Variants in DRC8 observed in about 807,000 individuals in gnomAD.
DRC8 encodes the protein dynein regulatory complex subunit 8.
chr1:245,014,839 C>T, the DRC8 span, among the ~76,000 whole-genome samples: 1 of 151,596 alleles, frequency 6.6e-6, no homozygotes, highest in East Asian at 1.9e-4. Flanking sequence ...TGACGTAGAA[C>T]CTGGTGTATA....
the DRC8 span, among the ~76,000 whole-genome samples, chr1:245,027,919 T>TGGAG: frequency 6.6e-6 from 1 of 151,638 alleles, no homozygotes; most frequent in Non-Finnish European, 1.5e-5. Flanking sequence ...TGAGACTGGG[T>TGGAG]CTCCGTCTGT....
chr1:244,989,935 G>C, the DRC8 span, among the ~76,000 whole-genome samples: 2 of 152,214 alleles, frequency 1.3e-5, no homozygotes, highest in Non-Finnish European at 2.9e-5. Context: ...GCTATTTTGA[G>C]TATCATGACG....
chr1:245,039,474 TAAAA>T, the DRC8 span, among the ~76,000 whole-genome samples: 2 of 121,358 alleles, frequency 1.6e-5, no homozygotes, highest in African/African-American at 3.0e-5. Context: ...CGCTGCCTCT[TAAAA>T]AAAAAAAAAA....
chr1:245,060,665 A>C, the DRC8 span, among the ~76,000 whole-genome samples: 59,148 of 152,088 alleles, frequency 0.39, 11,746 homozygotes, highest in Middle Eastern at 0.44. Flanking sequence ...AGCAAGCTGG[A>C]AGTGTGGAAG....
chr1:245,080,701 A>C, the DRC8 span, among the ~76,000 whole-genome samples: 1 of 152,130 alleles, frequency 6.6e-6, no homozygotes, highest in African/African-American at 2.4e-5. Flanking sequence ...CATGGCCGCC[A>C]CTCCAATCTA....
At chr1:245,041,245 G>A in the DRC8 span, among the ~76,000 whole-genome samples, 4 of 152,186 alleles carry the variant, frequency 2.6e-5, no homozygotes, top group Non-Finnish European at 5.9e-5. Context: ...CTGTGAGGTC[G>A]CTAGAGAGTG....
At chr1:245,102,330 C>CTTTATTTG in the DRC8 span, among the ~76,000 whole-genome samples, 1 of 147,396 alleles carries the variant, frequency 6.8e-6, no homozygotes, top group Non-Finnish European at 1.5e-5. Context: ...TCATTAGGAA[C>CTTTATTTG]TTTATTTATT....
chr1:245,025,992 ATT>A, the DRC8 span, among the ~76,000 whole-genome samples: 6 of 152,260 alleles, frequency 3.9e-5, no homozygotes, highest in South Asian at 6.2e-4. Context: ...AGTCTCGGGT[ATT>A]TCTTCATAGC....
At chr1:245,013,997 A>G in the DRC8 span, among the ~76,000 whole-genome samples, 4 of 128,024 alleles carry the variant, frequency 3.1e-5, no homozygotes, top group Non-Finnish European at 4.6e-5. Flanking sequence ...ATGCCACTGC[A>G]CTCCAGCCTG....
the DRC8 span, among the ~76,000 whole-genome samples, chr1:244,975,912 G>T: frequency 6.6e-6 from 1 of 151,888 alleles, no homozygotes; most frequent in Non-Finnish European, 1.5e-5. Flanking sequence ...CTGAATAAAT[G>T]GGAAAGAAAG....
chr1:245,004,439 A>G, the DRC8 span, among the ~76,000 whole-genome samples: 6 of 146,146 alleles, frequency 4.1e-5, no homozygotes, highest in Non-Finnish European at 7.5e-5. Context: ...TTTTTTTTTT[A>G]AAGGTGGTAT....
chr1:245,025,780 AG>A, the DRC8 span, among the ~76,000 whole-genome samples: 1 of 152,178 alleles, frequency 6.6e-6, no homozygotes, highest in Non-Finnish European at 1.5e-5. Flanking sequence ...ATTGAATCAT[AG>A]GGGCAGGTTT....
the DRC8 span, among the ~76,000 whole-genome samples, chr1:245,070,049 TA>T: frequency 2.6e-5 from 4 of 152,034 alleles, no homozygotes; most frequent in South Asian, 8.3e-4. Context: ...TGTCTCTAAA[TA>T]AAAAATAAAC....
the DRC8 span, among the ~76,000 whole-genome samples, chr1:245,003,822 T>C: frequency 6.6e-6 from 1 of 152,150 alleles, no homozygotes; most frequent in Non-Finnish European, 1.5e-5. Flanking sequence ...CAGGCTAGTC[T>C]TGAACTCCTG....
chr1:244,995,399 C>T, the DRC8 span, among the ~76,000 whole-genome samples: 1 of 152,066 alleles, frequency 6.6e-6, no homozygotes, highest in Admixed American at 6.6e-5. Flanking sequence ...ACTCTATCCC[C>T]CAGGCTGGAT....
the DRC8 span, among the ~76,000 whole-genome samples, chr1:245,104,428 T>C: frequency 3.3e-5 from 5 of 150,630 alleles, no homozygotes; most frequent in South Asian, 8.4e-4. Context: ...CACTTGAACC[T>C]GGGAGGCGGA....
At chr1:245,078,640 G>A in the DRC8 span, among the ~76,000 whole-genome samples, 1 of 152,156 alleles carries the variant, frequency 6.6e-6, no homozygotes, top group African/African-American at 2.4e-5. Flanking sequence ...CATGGAAACA[G>A]AGAGTAGATG....
chr1:244,999,205 G>T, the DRC8 span, among the ~76,000 whole-genome samples: 1 of 150,208 alleles, frequency 6.7e-6, no homozygotes, highest in Non-Finnish European at 1.5e-5. Context: ...GGAATGGGGA[G>T]AAGTCTGCCT....
chr1:245,038,599 A>G, the DRC8 span, among the ~76,000 whole-genome samples: 1 of 147,104 alleles, frequency 6.8e-6, no homozygotes, highest in African/African-American at 2.5e-5. Flanking sequence ...CCAAGTGCAT[A>G]TGGAAAGTTA....
Sources: allele counts gnomAD v4.1 joint callset (sites outside exome capture counted in the v4.1 genomes callset), GRCh38; gene constraint gnomAD v4.1.1; transcripts MANE v1.5; gene names NCBI Gene and HGNC (gene_info 2026-07-23, HGNC 2026-07-21).